The following MTHFD2 variants were observed in gnomAD, a reference collection of about 807,000 sequenced individuals.
MTHFD2 encodes bifunctional methylenetetrahydrofolate dehydrogenase/cyclohydrolase, mitochondrial.
A neutral mutation model predicts 36.8 loss-of-function variants in MTHFD2; 26 were observed. The ratio of observed to expected loss-of-function variants is 0.71; its 90% CI spans 0.52 to 0.98. The LOEUF (loss-of-function observed/expected upper bound fraction) is 0.98, where lower values mean the gene tolerates loss of function less well. MTHFD2 is among the 50% of genes least tolerant of loss of function. The pLI is 0.00. For synonymous variants in MTHFD2, 164 were observed against 155.2 expected (o/e 1.06, Z -0.42); for missense variants, 373 against 434.0 (o/e 0.86, Z 1.25).
chr2:74,200,879 T>G (rs1694026392), intron 1 of MTHFD2, among the ~76,000 whole-genome samples: 1 of 152,246 alleles, frequency 6.6e-6, no homozygotes, highest in Non-Finnish European at 1.5e-5. Flanking sequence ...ATCACTTGAT[T>G]ATGAATTGTA....
intron 6 of MTHFD2, 157 bp from the exon 7 acceptor site, chr2:74,211,581 AAAT>A (rs1391111833): frequency 1.0e-5 from 7 of 694,048 alleles, no homozygotes; most frequent in Non-Finnish European, 1.3e-5. Flanking sequence ...CAAAATAAAA[AAAT>A]AATAAAAGTA....
chr2:74,201,358 CTTT>C (rs112517184), intron 1 of MTHFD2, among the ~76,000 whole-genome samples: 1 of 146,074 alleles, frequency 6.8e-6, no homozygotes, highest in Non-Finnish European at 1.5e-5. Context: ...TTTTTCTTTC[CTTT>C]TTTTTTTTCT....
intron 1 of MTHFD2, among the ~76,000 whole-genome samples, chr2:74,203,619 C>T (rs1694092991): frequency 6.6e-6 from 1 of 152,064 alleles, no homozygotes; most frequent in African/African-American, 2.4e-5. Flanking sequence ...CAGAGCAAGA[C>T]TCTGTCTCAA....
At chr2:74,205,619 C>T in intron 1 of MTHFD2, 86 bp from the exon 2 acceptor site, 1 of 1,446,574 alleles carries the variant, frequency 6.9e-7, no homozygotes, top group Non-Finnish European at 9.3e-7. Flanking sequence ...GCTGGGATTA[C>T]AGGCATAAGC....
rs767676770 is a variant in MTHFD2 at position 74,205,849 on chromosome 2, C to A, written c.246C>A (p.His82Gln). ...VILVGENPAS[H>Q]SYVLNKTRAA... ...TGGTTGGCGAGAATCCTGCAAGTCA[C>A]TCCTATGTCCTCAACAAAACCAGGG... The change falls in exon 2 of 8, where the codon CAC becomes CAA. Residue 82 changes from histidine to glutamine, a missense_variant. By Grantham distance (24) the His-to-Gln change is conservative (BLOSUM62 0). Coordinates refer to ENST00000394053, the MANE Select transcript of MTHFD2 (RefSeq NM_006636.4). The A allele has an allele frequency of 6.2e-7, 1 of 1,613,914 alleles. No homozygotes were observed. Among genetic ancestry groups the A allele is most frequent in the African/African-American group, 1.3e-5 (1 of 75,000 alleles).
At chr2:74,198,923 T>C (rs1380770795) in intron 1 of MTHFD2, among the ~76,000 whole-genome samples, 181 bp downstream of exon 1, 1 of 151,974 alleles carries the variant, frequency 6.6e-6, no homozygotes. Context: ...AGCTCTCGAC[T>C]GGGGCGCTTC....
rs1694270102 is a variant in MTHFD2, at chr2:74,210,001, C to T, written c.622C>T (p.Pro208Ser). 1 of 1,613,536 alleles carries T rather than the reference C, an allele frequency of 6.2e-7. No individual in the cohort carries two copies. The highest frequency in any genetic ancestry group is 1.3e-5 in the African/African-American group (1 of 74,908). ...TGGAAGGTCAAAAAACGTTGGAATG[C>T]CCATTGCAATGTTACTGCACACAGA... The part of the protein sequence containing the change: ...VAGRSKNVGM[P>S]IAMLLHTDGA... Residue 208 changes from proline to serine, a missense_variant, in exon 5 of 8, where the codon CCC becomes TCC. By Grantham distance (74) the Pro-to-Ser change is moderately conservative. Coordinates refer to ENST00000394053, the MANE Select transcript of MTHFD2 (RefSeq NM_006636.4).
chr2:74,200,116 A>G (rs1694008626), intron 1 of MTHFD2, among the ~76,000 whole-genome samples: 1 of 152,180 alleles, frequency 6.6e-6, no homozygotes, highest in African/African-American at 2.4e-5. Flanking sequence ...TTGAAGGAAA[A>G]CGTGGGAGGG....
chr2:74,203,390 T>C (rs1032826060), intron 1 of MTHFD2, among the ~76,000 whole-genome samples: 6 of 152,202 alleles, frequency 3.9e-5, no homozygotes, highest in Non-Finnish European at 7.3e-5. Context: ...ATATCTAAGA[T>C]GTTGAGATTT....
intron 4 of MTHFD2, 131 bp from the exon 5 acceptor site, chr2:74,209,811 C>T (rs1280342203): frequency 3.4e-6 from 2 of 582,580 alleles, no homozygotes; most frequent in Non-Finnish European, 6.0e-6. Flanking sequence ...TTCTTTTAGC[C>T]CTTATTATGT....
At chr2:74,207,276 G>A (rs1240548738) in intron 2 of MTHFD2, among the ~76,000 whole-genome samples, 3 of 152,230 alleles carry the variant, frequency 2.0e-5, no homozygotes, top group East Asian at 1.9e-4. Flanking sequence ...CTACAGGCGC[G>A]TTCCACCAAG....
rs778095715 is a variant in MTHFD2, at chr2:74,208,555, A to C, written c.410-14A>C. On this transcript the variant is annotated splice_polypyrimidine_tract_variant and intron_variant, in intron 3 of 7. Coordinates refer to ENST00000394053, the MANE Select transcript of MTHFD2 (RefSeq NM_006636.4). The stretch of plus-strand genomic sequence containing the variant: ...GGTGGTGATTTAAGGCAACTGTGCC[A>C]ATTTCTTTTTCAGAGCATATTGATG... The C allele has an allele frequency of 6.2e-7, 1 of 1,612,912 alleles. No homozygotes were observed. The highest frequency in any genetic ancestry group is 8.5e-7 in the Non-Finnish European group (1 of 1,179,202).
At position 74,216,215 on chromosome 2, in the gene MTHFD2, A is replaced by G. The variant is rs1439742092; in HGVS notation, c.*1973A>G. On this transcript the variant is annotated 3_prime_UTR_variant, in exon 8 of 8. Coordinates refer to ENST00000394053, the MANE Select transcript of MTHFD2 (RefSeq NM_006636.4). ...TTATGTCTCTAATCCATGCCTGCTT[A>G]CCTAGATTATTAAATGTGGAGCAAG... 2 of 152,206 alleles carry G rather than the reference A, an allele frequency of 1.3e-5. No homozygotes were observed. The highest frequency in any genetic ancestry group is 4.8e-5 in the African/African-American group (2 of 41,450). The allele number at this position is 152,206 out of a possible 1,614,324, so 9.4% of individuals were successfully genotyped here. A position where few individuals can be genotyped will look rare whatever the true frequency, so the allele number is the denominator to read the frequency against.
In MTHFD2 at chr2:74,214,805, C is replaced by T. The variant is rs938476476; in HGVS notation, c.*563C>T. The T allele has an allele frequency of 7.9e-5, 12 of 152,366 alleles. No individual in the cohort carries two copies. Among genetic ancestry groups the T allele is most frequent in the African/African-American group, 2.9e-4 (12 of 41,566 alleles). The allele number at this position is 152,366 out of a possible 1,614,324, so 9.4% of individuals were successfully genotyped here. On this transcript the variant is annotated 3_prime_UTR_variant, in exon 8 of 8. Transcript: ENST00000394053. The stretch of plus-strand genomic sequence containing the variant: ...GAAAAAAGAAAAACTGCATGTTAAT[C>T]ATTTTCCTAAGCTGTCCTTTTGAGG...
chr2:74,202,464 G>A lies in MTHFD2; in HGVS notation c.102-3241G>A, dbSNP rs191512744. Among the ~76,000 whole-genome samples, 28 of 152,142 alleles carry A rather than the reference G, an allele frequency of 1.8e-4. 1 individual carries two copies. The highest frequency in any genetic ancestry group is 1.6e-3 in the Admixed American group (25 of 15,270). ...CATTCCAGGTACTAATACAAATCAGGAATGAGGAATGTTGCCAGGTGTATT... is the reference window on the plus strand; with the variant it reads ...CATTCCAGGTACTAATACAAATCAGAAATGAGGAATGTTGCCAGGTGTATT... On this transcript the variant is annotated intron_variant, in intron 1 of 7. Coordinates refer to ENST00000394053, the MANE Select transcript of MTHFD2 (RefSeq NM_006636.4).
At chr2:74,198,770 G>T in intron 1 of MTHFD2, 28 bp downstream of exon 1, 1 of 1,574,422 alleles carries the variant, frequency 6.4e-7, no homozygotes. Context: ...CTCGGTCAGC[G>T]CGGAAAGCTG....
rs534980995 is a variant in MTHFD2, at chr2:74,203,039, TAC to T, written c.102-2662_102-2661del. On this transcript the variant is annotated intron_variant, in intron 1 of 7. Coordinates refer to ENST00000394053, the MANE Select transcript of MTHFD2 (RefSeq NM_006636.4). ...TTTTTGAGATGGAGTCTTGCCCTGTTACACAGTCTGGAGTGCAGTGGCGTGAT... is the reference window on the plus strand; with the variant it reads ...TTTTTGAGATGGAGTCTTGCCCTGTTACAGTCTGGAGTGCAGTGGCGTGAT... 1.7e-4 allele frequency among the ~76,000 whole-genome samples: 26 copies of T among 152,258 alleles called. No individual in the cohort carries two copies. In the South Asian group the frequency reaches 5.4e-3, roughly 32 times the overall value.
intron 7 of MTHFD2, among the ~76,000 whole-genome samples, chr2:74,212,482 G>C (rs560509697): frequency 6.6e-6 from 1 of 151,630 alleles, no homozygotes; most frequent in South Asian, 2.1e-4. Flanking sequence ...TGGCCAGGCT[G>C]GTCTGGAACT....
At chr2:74,203,851 G>C (rs1667608) in intron 1 of MTHFD2, among the ~76,000 whole-genome samples, 27 of 138,862 alleles carry the variant, frequency 1.9e-4, no homozygotes, top group African/African-American at 6.4e-4. Flanking sequence ...ATCTAGTTTA[G>C]TTTAGTTTAG....
Sources: gnomAD v4.1 joint callset for allele counts (sites outside exome capture counted in the v4.1 genomes callset) on GRCh38, gnomAD v4.1.1 for gene constraint, MANE v1.5 for transcripts, NCBI Gene and HGNC (gene_info 2026-07-23, HGNC 2026-07-21) for gene names.